Variants in OSBPL3 observed in about 807,000 individuals in gnomAD.
OSBPL3 encodes the protein oxysterol binding protein like 3, also known as oxysterol-binding protein-related protein 3.
A neutral mutation model predicts 120.1 loss-of-function variants in OSBPL3; 65 were observed. The ratio of observed to expected loss-of-function variants is 0.54; its 90% CI spans 0.44 to 0.67. OSBPL3 has a LOEUF of 0.67. Ranked by LOEUF, OSBPL3 falls within the 30% of genes least tolerant of loss-of-function variation. The pLI, the probability that OSBPL3 is intolerant of heterozygous loss-of-function variation, is 0.00. For missense variants in OSBPL3, 1,004 were observed against 1,082.1 expected, an observed-to-expected ratio of 0.93 and a Z score of 1.01; for synonymous variants, 416 against 402.6, an observed-to-expected ratio of 1.03 and a Z score of -0.40.
rs1554382472 is a variant in OSBPL3 at position 24,872,448 on chromosome 7, A to ATTGTGT, written c.97-380_97-379insACACAA. On this transcript the variant is annotated intron_variant, in intron 2 of 22. Coordinates refer to ENST00000313367, the MANE Select transcript of OSBPL3 (RefSeq NM_015550.4). The surrounding 1 kb of genome is among the most constrained non-coding windows in gnomAD (Gnocchi z 4.1). ...TCAGTCTGAATTTTAACCGAAAGAG[A>ATTGTGT]GTGTGTGTGTGTGTGTGTGTGTGTG... 4.8e-5 allele frequency among the ~76,000 whole-genome samples: 7 copies of ATTGTGT among 144,890 alleles called. No homozygotes were observed. The highest frequency in any genetic ancestry group is 1.8e-4 in the African/African-American group (7 of 38,708).
At position 24,798,404 on chromosome 7, in the gene OSBPL3, C is replaced by T. The variant is rs537992504; in HGVS notation, c.*1779G>A. ...TGCCCTTAAATCTACAGCCTGCTTC[C>T]TCATGTCTGTGAGCAGAATTTGGAT... is the stretch of plus-strand genomic sequence containing the variant. On this transcript the variant is annotated 3_prime_UTR_variant, in exon 23 of 23. Transcript: ENST00000313367. The surrounding 1 kb of genome is among the most constrained non-coding windows in gnomAD (Gnocchi z 4.6). 6.6e-6 allele frequency: 1 copy of T among 152,304 alleles called. No individual in the cohort carries two copies. Among genetic ancestry groups the T allele is most frequent in the African/African-American group, 2.4e-5 (1 of 41,552 alleles). 9.4% of individuals were successfully genotyped at this position (152,304 alleles called of 1,614,324 possible). A position where few individuals can be genotyped will look rare whatever the true frequency, so the allele number is the denominator to read the frequency against.
At chr7:24,919,263 C>T (rs1373686398) in intron 1 of OSBPL3, among the ~76,000 whole-genome samples, 1 of 152,068 alleles carries the variant, frequency 6.6e-6, no homozygotes, top group Non-Finnish European at 1.5e-5. Context: ...CAAGTTACTA[C>T]AAAGCTACAG....
chr7:24,977,544 G>C (rs966768004), intron 1 of OSBPL3, among the ~76,000 whole-genome samples: 2 of 124,188 alleles, frequency 1.6e-5, no homozygotes, highest in African/African-American at 6.6e-5. Flanking sequence ...TCACAACAAT[G>C]CCCAGCAAGA....
chr7:24,810,815 T>C (rs1188999610), intron 19 of OSBPL3, among the ~76,000 whole-genome samples: 7 of 152,362 alleles, frequency 4.6e-5, no homozygotes, highest in Admixed American at 4.6e-4. Flanking sequence ...TTATGTCACT[T>C]ATCCTCCAGG....
intron 1 of OSBPL3, among the ~76,000 whole-genome samples, chr7:24,917,401 C>CATACATATATATATATATAT (rs370274395): frequency 4.0e-5 from 4 of 100,066 alleles, no homozygotes; most frequent in East Asian, 6.7e-4. Flanking sequence ...ATATTTGTAA[C>CATACATATATATATATATAT]ATATATATAT....
At chr7:24,832,140 GA>G in intron 15 of OSBPL3, among the ~76,000 whole-genome samples, 1 of 150,064 alleles carries the variant, frequency 6.7e-6, no homozygotes, top group African/African-American at 2.5e-5. Flanking sequence ...CCAGGAGGTC[GA>G]GGCTGCAATG....
chr7:24,885,744 A>G lies in OSBPL3; in HGVS notation c.96+6633T>C, dbSNP rs535202376. On this transcript the variant is annotated intron_variant, in intron 2 of 22. Transcript: ENST00000313367. ...ATTTCTTATTTATGATGAACTGTTC[A>G]GCTGTCCTGTCCTTCATAGCTTCGT... is the stretch of plus-strand genomic sequence containing the variant. Among the ~76,000 whole-genome samples, 4 of 152,358 alleles carry G rather than the reference A, an allele frequency of 2.6e-5. No homozygotes were observed. In the East Asian group the frequency reaches 7.7e-4, roughly 29 times the overall value.
chr7:24,800,485 C>G (rs1792183242), intron 22 of OSBPL3, among the ~76,000 whole-genome samples: 1 of 131,284 alleles, frequency 7.6e-6, no homozygotes, highest in Admixed American at 9.1e-5. Context: ...GAGATGGAGG[C>G]TCGCTCTGTC....
In OSBPL3 at chr7:24,849,960, G is replaced by T. The variant is rs1487253597; in HGVS notation, c.1159-784C>A. The stretch of plus-strand genomic sequence containing the variant: ...CCCTGTCTCACGAAAAAAAAAAAAA[G>T]AAATAAAGAAAGTGTGCTGTGTGCT... On this transcript the variant is annotated intron_variant, in intron 11 of 22. Transcript: ENST00000313367. This position sits in a 1 kb window ranked among gnomAD's most constrained non-coding sequence, Gnocchi z 5.4. Among the ~76,000 whole-genome samples, 1 of 147,474 alleles carries T rather than the reference G, an allele frequency of 6.8e-6. No individual in the cohort carries two copies. The highest frequency in any genetic ancestry group is 1.5e-5 in the Non-Finnish European group (1 of 66,380).
At chr7:24,842,934 C>T (rs890497220) in intron 12 of OSBPL3, among the ~76,000 whole-genome samples, 78 of 152,224 alleles carry the variant, frequency 5.1e-4, no homozygotes, top group African/African-American at 1.8e-3. Flanking sequence ...GGTGGCAGAT[C>T]ATTTACTATT....
rs1792118011 is a variant in OSBPL3 at position 24,800,153 on chromosome 7, A to G, written c.*30T>C. ...TTCAGAAGGCAAGCACAGGAGAAAT[A>G]CACTAATGTTATCTTTCTTCTTTAC... On this transcript the variant is annotated 3_prime_UTR_variant, in exon 23 of 23. Transcript: ENST00000313367. 7.9e-7 allele frequency: 1 copy of G among 1,258,318 alleles called. No individual in the cohort carries two copies. Among genetic ancestry groups the G allele is most frequent in the Non-Finnish European group, 1.2e-6 (1 of 855,854 alleles). 77.9% of individuals were successfully genotyped at this position (1,258,318 alleles called of 1,614,324 possible). A position where few individuals can be genotyped will look rare whatever the true frequency, so the allele number is the denominator to read the frequency against.
At chr7:24,905,488 G>C (rs1417954239) in intron 1 of OSBPL3, among the ~76,000 whole-genome samples, 1 of 152,150 alleles carries the variant, frequency 6.6e-6, no homozygotes, top group Non-Finnish European at 1.5e-5. Flanking sequence ...ATTAGAAACA[G>C]ACAGGAAATT....
chr7:24,844,676 T>C (rs981486214), intron 12 of OSBPL3, among the ~76,000 whole-genome samples: 1 of 152,004 alleles, frequency 6.6e-6, no homozygotes, highest in Non-Finnish European at 1.5e-5. Context: ...TTTTTCAAAA[T>C]TAAACTGTAT....
In OSBPL3 at chr7:24,918,946, C is replaced by T. The variant is rs1335928318; in HGVS notation, c.-149-26325G>A. ...CCAGGTACAATGCTAGATGCTCTTA[C>T]ATACGTCACATTATTTAATTCCCCG... On this transcript the variant is annotated intron_variant, in intron 1 of 22. Transcript: ENST00000313367. This position sits in a 1 kb window ranked among gnomAD's most constrained non-coding sequence, Gnocchi z 4.3. Among the ~76,000 whole-genome samples the T allele has an allele frequency of 1.3e-5, 2 of 152,176 alleles. No individual in the cohort carries two copies. Among genetic ancestry groups the T allele is most frequent in the East Asian group, 1.9e-4 (1 of 5,198 alleles).
In OSBPL3 at chr7:24,806,813, A is replaced by G. The variant is rs1793102818; in HGVS notation, c.2407T>C (p.Leu803=). Residue 803 remains leucine, a synonymous_variant, in exon 21 of 23, where the codon TTG becomes CTG. Transcript: ENST00000313367. This position sits in a 1 kb window ranked among gnomAD's most constrained non-coding sequence, Gnocchi z 5.2. ...CTAAATCGAGTGTCAGTAGGTGGCA[A>G]TAAAGACTTTGATGATGGATCCATT... The part of the protein sequence containing the change: ...NEMDPSSKSL[L]PPTDTRFRPD... 3 of 1,613,946 alleles carry G rather than the reference A, an allele frequency of 1.9e-6. No individual in the cohort carries two copies. Among genetic ancestry groups the G allele is most frequent in the Non-Finnish European group, 1.7e-6 (2 of 1,179,912 alleles).
intron 1 of OSBPL3, among the ~76,000 whole-genome samples, chr7:24,956,606 C>G (rs756125249): frequency 2.0e-5 from 3 of 152,200 alleles, no homozygotes; most frequent in Admixed American, 6.5e-5. Context: ...GGAAGATTTT[C>G]TGTTTATAAA....
intron 2 of OSBPL3, among the ~76,000 whole-genome samples, chr7:24,882,531 T>C (rs1562878496): frequency 6.6e-6 from 1 of 152,246 alleles, no homozygotes; most frequent in Non-Finnish European, 1.5e-5. Context: ...ATATCTCTGA[T>C]ATTGTAAATA....
chr7:24,949,901 T>C (rs971281572), intron 1 of OSBPL3, among the ~76,000 whole-genome samples: 73 of 152,236 alleles, frequency 4.8e-4, no homozygotes, highest in African/African-American at 1.6e-3. Context: ...CCCAACTCCT[T>C]GCTTCAGGCT....
chr7:24,923,258 G>A (rs76730145), intron 1 of OSBPL3, among the ~76,000 whole-genome samples: 2,016 of 152,264 alleles, frequency 0.013, 14 homozygotes, highest in Non-Finnish European at 0.02. Context: ...CTAGAAGAGC[G>A]TCTCTGCTCC....
Sources: allele counts gnomAD v4.1 joint callset (sites outside exome capture counted in the v4.1 genomes callset), GRCh38; gene constraint gnomAD v4.1.1; non-coding constraint Gnocchi (gnomAD v3.1); transcripts MANE v1.5; gene names NCBI Gene and HGNC (gene_info 2026-07-23, HGNC 2026-07-21).